Variants in DNAH12 observed in about 807,000 individuals in gnomAD.
The protein encoded by DNAH12 is dynein axonemal heavy chain 12.
A neutral mutation model predicts 371.5 loss-of-function variants in DNAH12; 285 were observed. That is an observed-to-expected ratio of 0.77 (90% confidence interval 0.70 to 0.85). The LOEUF is 0.85. DNAH12 is among the 40% of genes least tolerant of loss of function. The pLI is 0.00. For missense variants in DNAH12, 3,611 were observed against 3,689.4 expected, an observed-to-expected ratio of 0.98 and a Z score of 0.55; for synonymous variants, 1,200 against 1,213.0, an observed-to-expected ratio of 0.99 and a Z score of 0.22.
intron 13 of DNAH12, among the ~76,000 whole-genome samples, chr3:57,479,928 G>A (rs1268217170): frequency 6.6e-6 from 1 of 152,122 alleles, no homozygotes; most frequent in Non-Finnish European, 1.5e-5. Flanking sequence ...GCAGTGTGTA[G>A]AGGGAAATTT....
At chr3:57,488,561 G>T (rs2067013969) in intron 12 of DNAH12, among the ~76,000 whole-genome samples, 3 of 152,126 alleles carry the variant, frequency 2.0e-5, no homozygotes, top group Admixed American at 1.3e-4. Flanking sequence ...AGGTTGCCCA[G>T]AGTTATGGAA....
At chr3:57,341,576 C>T (rs2062399169) in intron 60 of DNAH12, among the ~76,000 whole-genome samples, 1 of 151,822 alleles carries the variant, frequency 6.6e-6, no homozygotes, top group South Asian at 2.1e-4. Flanking sequence ...ACTTAAAAAA[C>T]ACCAAAAAAC....
At chr3:57,512,517 C>T (rs1460267716) in intron 4 of DNAH12, 1 of 152,138 alleles carries the variant, frequency 6.6e-6, no homozygotes, top group Non-Finnish European at 1.5e-5. Context: ...GGCCCCTGTG[C>T]AAGGATGGAC....
In DNAH12 at chr3:57,385,012, A is replaced by G. The variant is rs1400222309; in HGVS notation, c.7684-7T>C. 1 of 152,216 alleles carries G rather than the reference A, an allele frequency of 6.6e-6. No homozygotes were observed. The highest frequency in any genetic ancestry group is 1.5e-5 in the Non-Finnish European group (1 of 68,036). The allele number at this position is 152,216 out of a possible 1,614,324, so 9.4% of individuals were successfully genotyped here. ...CAGACTCTATCTCAATAACCTAAAG[A>G]GGTGAAAGATGAAGACAATTTCTCA... On this transcript the variant is annotated splice_region_variant and splice_polypyrimidine_tract_variant and intron_variant, in intron 48 of 73. Coordinates refer to ENST00000495027, the MANE Select transcript of DNAH12 (RefSeq NM_001366028.2).
At chr3:57,547,117 A>C (rs1468591210), upstream of DNAH12, among the ~76,000 whole-genome samples, 4 of 152,080 alleles carry the variant, frequency 2.6e-5, no homozygotes, top group Admixed American at 6.6e-5. Context: ...TGCCCTACAG[A>C]CCATGGACTT....
intron 29 of DNAH12, among the ~76,000 whole-genome samples, chr3:57,443,175 T>C (rs2065363198): frequency 6.6e-6 from 1 of 152,214 alleles, no homozygotes; most frequent in Admixed American, 6.5e-5. Flanking sequence ...AATGGCGCAA[T>C]CTCGGCTCAC....
intron 12 of DNAH12, among the ~76,000 whole-genome samples, chr3:57,487,986 C>T (rs1170526368): frequency 2.0e-5 from 3 of 151,768 alleles, no homozygotes; most frequent in Non-Finnish European, 4.4e-5. Flanking sequence ...ATACTTTACC[C>T]TCTTTGATAT....
At chr3:57,415,360 T>A (rs2064335725) in intron 38 of DNAH12, 66 bp downstream of exon 38, 1 of 1,514,916 alleles carries the variant, frequency 6.6e-7, no homozygotes, top group Admixed American at 2.4e-5. Flanking sequence ...AATGTACAAT[T>A]TTAAACACTG....
At chr3:57,353,768 G>C (rs2062737352) in intron 59 of DNAH12, among the ~76,000 whole-genome samples, 2 of 152,122 alleles carry the variant, frequency 1.3e-5, no homozygotes, top group African/African-American at 4.8e-5. Context: ...AAAAGCATAT[G>C]AAAAAATGCT....
rs991447508 is a variant in DNAH12, at chr3:57,452,843, C to A, written c.3786G>T (p.Leu1262Phe). 1.3e-6 allele frequency: 2 copies of A among 1,539,118 alleles called. No individual in the cohort carries two copies. Among genetic ancestry groups the A allele is most frequent in the South Asian group, 1.2e-5 (1 of 80,676 alleles). Reference sequence around the variant, plus strand: ...GAATTAAGATAATTTAAATGCATACCAATGTTCTGTAACACCTGTCAGTTA... The same window carrying A: ...GAATTAAGATAATTTAAATGCATACAAATGTTCTGTAACACCTGTCAGTTA... ...TPLTDRCYRTLIGAFYLNLGG... is the reference protein window; with the variant it reads ...TPLTDRCYRTFIGAFYLNLGG... The change falls in exon 25 of 74, where the codon TTG (leucine) becomes TTT (phenylalanine). Residue 1262 changes from leucine (L) to phenylalanine (F), a missense_variant and splice_region_variant. Coordinates refer to ENST00000495027, the MANE Select transcript of DNAH12 (RefSeq NM_001366028.2).
At chr3:57,458,773 T>C (rs1437067753) in intron 20 of DNAH12, among the ~76,000 whole-genome samples, 1 of 152,214 alleles carries the variant, frequency 6.6e-6, no homozygotes, top group East Asian at 1.9e-4. Context: ...TATCTCTGGC[T>C]GCTTTCTCAC....
Position 57,309,799 on chromosome 3 carries a change from A to G in DNAH12, c.10952T>C (p.Ile3651Thr), listed in dbSNP as rs772093464. The change falls in exon 68 of 74, where the codon ATC becomes ACC. Residue 3651 changes from isoleucine to threonine, a missense_variant. Transcript: ENST00000495027. ...TTTTGTTTGTTGAAGATCCTTGGAG[A>G]TGTCAACGTTTTCATGTAATCCAAA... ...EIFGLHENVD[I>T]SKDLQQTKTL... 2.6e-6 allele frequency: 4 copies of G among 1,551,308 alleles called. No homozygotes were observed. The highest frequency in any genetic ancestry group is 3.5e-6 in the Non-Finnish European group (4 of 1,146,830).
chr3:57,398,374 C>T (rs914576017), intron 43 of DNAH12, among the ~76,000 whole-genome samples: 170 of 152,216 alleles, frequency 1.1e-3, no homozygotes, highest in African/African-American at 4.0e-3. Flanking sequence ...AGAGCTTTTT[C>T]AAGAAATAAT....
At chr3:57,551,892 T>C in the DNAH12 span, among the ~76,000 whole-genome samples, 1 of 151,020 alleles carries the variant, frequency 6.6e-6, no homozygotes, top group East Asian at 1.9e-4. Context: ...TAATAATTAA[T>C]GTTTCAGTAT....
chr3:57,296,893 G>A lies in DNAH12; in HGVS notation c.11486C>T (p.Ala3829Val). 1 of 1,551,544 alleles carries A rather than the reference G, an allele frequency of 6.4e-7. No homozygotes were observed. Among genetic ancestry groups the A allele is most frequent in the South Asian group, 1.2e-5 (1 of 84,048 alleles). The part of the protein sequence containing the change: ...AFLTGAMQNY[A>V]RKYTTPIDLL... Reference sequence around the variant, plus strand: ...ATCAATAGGGGTGGTATATTTTCTGGCATAATTCTGCATAGCTCCAGTTAA... The same window carrying A: ...ATCAATAGGGGTGGTATATTTTCTGACATAATTCTGCATAGCTCCAGTTAA... Residue 3829 changes from alanine (A) to valine (V), a missense_variant, in exon 71 of 74, where the codon GCC becomes GTC. This residue lies in a region of DNAH12 where 2,266 missense variants were observed against 2,236.9 expected (regional missense o/e 1.01). Coordinates refer to ENST00000495027, the MANE Select transcript of DNAH12 (RefSeq NM_001366028.2).
chr3:57,463,994 C>T (rs1212971344), intron 17 of DNAH12, among the ~76,000 whole-genome samples: 1 of 152,038 alleles, frequency 6.6e-6, no homozygotes, highest in Non-Finnish European at 1.5e-5. Flanking sequence ...GAGAATCGGA[C>T]TTCCACATCT....
At chr3:57,435,373 C>CAAAAAAAAA (rs34515598) in intron 30 of DNAH12, among the ~76,000 whole-genome samples, 4 of 94,742 alleles carry the variant, frequency 4.2e-5, no homozygotes, top group African/African-American at 7.9e-5. Context: ...CTCTGTCTCC[C>CAAAAAAAAA]AAAAAAAAAA....
chr3:57,454,991 T>G (rs2065862298), intron 22 of DNAH12, 97 bp from the exon 23 acceptor site: 5 of 1,352,068 alleles, frequency 3.7e-6, no homozygotes, highest in Non-Finnish European at 5.0e-6. Context: ...GGCACATACA[T>G]AGGCTAGAAT....
intron 11 of DNAH12, among the ~76,000 whole-genome samples, chr3:57,493,260 T>G (rs534939587): frequency 5.3e-5 from 8 of 152,126 alleles, no homozygotes; most frequent in Non-Finnish European, 1.2e-4. Context: ...AACAGCAGAT[T>G]GAAAATATTT....
Sources: allele counts gnomAD v4.1 joint callset (sites outside exome capture counted in the v4.1 genomes callset), GRCh38; gene constraint gnomAD v4.1.1; regional missense constraint gnomAD v4.1.1; transcripts MANE v1.5; gene names NCBI Gene and HGNC (gene_info 2026-07-23, HGNC 2026-07-21).